The following ZNF618 variants were observed in gnomAD, a reference collection of about 807,000 sequenced individuals.
ZNF618 encodes zinc finger protein 618, also known as neural precursor cell expressed, developmentally down-regulated 10.
In ZNF618, 34 loss-of-function variants were observed where a neutral mutation model predicts 103.0. That is an observed-to-expected ratio of 0.33 (90% confidence interval 0.25 to 0.44). ZNF618 has a LOEUF of 0.44. ZNF618 is among the 20% of genes least tolerant of loss of function. The probability of loss-of-function intolerance (pLI) is 1.00; values close to 1 mark genes in which losing one functional copy is unlikely to be tolerated. For missense variants in ZNF618, 1,059 were observed against 1,295.4 expected (o/e 0.82, Z 2.80); for synonymous variants, 551 against 542.2 (o/e 1.02, Z -0.23).
At chr9:113,978,979 A>G (rs1275577285) in intron 2 of ZNF618, among the ~76,000 whole-genome samples, 1 of 152,162 alleles carries the variant, frequency 6.6e-6, no homozygotes, top group Non-Finnish European at 1.5e-5. Context: ...CCTCACCAGC[A>G]TCACCTCCAC....
chr9:113,876,825 A>AC (rs376561851), intron 1 of ZNF618, among the ~76,000 whole-genome samples: 6 of 96,616 alleles, frequency 6.2e-5, no homozygotes, highest in East Asian at 7.1e-4. Context: ...GTCCCCGATG[A>AC]CCCCCCGGGA....
intron 1 of ZNF618, among the ~76,000 whole-genome samples, chr9:113,938,038 T>C (rs1167112856): frequency 6.6e-6 from 1 of 152,186 alleles, no homozygotes; most frequent in African/African-American, 2.4e-5. Flanking sequence ...ATCGGGATTT[T>C]GACTGGAATC....
chr9:113,885,298 AAATGGGCTGGT>A (rs1320574407), intron 1 of ZNF618, among the ~76,000 whole-genome samples: 3 of 152,234 alleles, frequency 2.0e-5, no homozygotes, highest in African/African-American at 7.2e-5. Context: ...TGCATCTGAG[AAATGGGCTGGT>A]AATGATTCTT....
chr9:114,000,990 G>A (rs1403196099), intron 4 of ZNF618, among the ~76,000 whole-genome samples: 1 of 151,872 alleles, frequency 6.6e-6, no homozygotes, highest in Non-Finnish European at 1.5e-5. Flanking sequence ...GTGGGCCGGG[G>A]CCTCTGCATT....
chr9:113,973,572 G>A (rs1026859810), intron 2 of ZNF618, among the ~76,000 whole-genome samples: 3 of 152,172 alleles, frequency 2.0e-5, no homozygotes, highest in African/African-American at 4.8e-5. Flanking sequence ...TACAAGACCA[G>A]TGATCCCAGC....
chr9:114,047,985 G>T lies in ZNF618; in HGVS notation c.1339G>T (p.Ala447Ser). ...KWKPQAQRNS[A>S]NNTTTSGLTP... is the part of the protein sequence containing the mutation. ...GAAACCTCAGGCCCAGAGGAACAGT[G>T]CCAATAACAGTAGGTCTCCCCAAGC... is the stretch of plus-strand genomic sequence containing the variant. The change falls in exon 14 of 15, where the codon GCC (alanine) becomes TCC (serine). Residue 447 changes from alanine (A) to serine (S), a missense_variant. Transcript: ENST00000374126. 3 of 1,584,796 alleles carry T rather than the reference G, an allele frequency of 1.9e-6. No individual in the cohort carries two copies. The highest frequency in any genetic ancestry group is 2.6e-6 in the Non-Finnish European group (3 of 1,165,532).
At chr9:113,890,452 T>C (rs1263407959) in intron 1 of ZNF618, among the ~76,000 whole-genome samples, 1 of 152,138 alleles carries the variant, frequency 6.6e-6, no homozygotes, top group Non-Finnish European at 1.5e-5. Flanking sequence ...TGTAGATAGG[T>C]CTTCATTATT....
Position 113,969,137 on chromosome 9 carries a change from CG to C in ZNF618, c.56del (p.Gly19GlufsTer11). ...APQADGASAAGRKSTASRERL... is the reference protein window; with the variant it reads ...APQADGASAAXRKSTASRERL... ...TGCAGGCTGACGGAGCCAGTGCAGC[CG>C]GAAGGAAAAGCACTGCGAGCAGGTA... On this transcript the variant is annotated frameshift_variant, in exon 2 of 15. Coordinates refer to ENST00000374126, the MANE Select transcript of ZNF618 (RefSeq NM_001318042.2). LOFTEE classifies it high-confidence loss of function. 1 of 1,613,942 alleles carries C rather than the reference CG, an allele frequency of 6.2e-7. No homozygotes were observed. The highest frequency in any genetic ancestry group is 8.5e-7 in the Non-Finnish European group (1 of 1,179,874).
At chr9:113,886,505 T>G (rs1156398724) in intron 1 of ZNF618, among the ~76,000 whole-genome samples, 1 of 152,200 alleles carries the variant, frequency 6.6e-6, no homozygotes, top group African/African-American at 2.4e-5. Flanking sequence ...TTTCCTTAAT[T>G]TCATCAACTG....
intron 1 of ZNF618, among the ~76,000 whole-genome samples, chr9:113,927,537 C>T (rs1041329135): frequency 6.6e-6 from 1 of 152,184 alleles, no homozygotes; most frequent in South Asian, 2.1e-4. Flanking sequence ...GGCCTGTGCC[C>T]CTGTGTCGTG....
In ZNF618 at chr9:113,988,493, A is replaced by G. The variant is rs1388713910; in HGVS notation, c.250A>G (p.Lys84Glu). ...VIWQGEAKEE[K>E]KAVSKDGTSD... ...CTGGCAGGGCGAGGCCAAGGAGGAG[A>G]AGAAGGCGGTCAGCAAGGATGGGAC... The change falls in exon 3 of 15, where the codon AAG (lysine) becomes GAG (glutamate). Residue 84 changes from lysine (K) to glutamate (E), a missense_variant. Coordinates refer to ENST00000374126, the MANE Select transcript of ZNF618 (RefSeq NM_001318042.2). 6.2e-6 allele frequency: 10 copies of G among 1,613,250 alleles called. No homozygotes were observed. Among genetic ancestry groups the G allele is most frequent in the African/African-American group, 1.3e-5 (1 of 74,904 alleles).
At chr9:113,967,842 T>C (rs1186024117) in intron 1 of ZNF618, among the ~76,000 whole-genome samples, 9 of 152,202 alleles carry the variant, frequency 5.9e-5, no homozygotes, top group African/African-American at 2.2e-4. Flanking sequence ...GAGCCAAGTA[T>C]GTCAGCTCTA....
intron 1 of ZNF618, among the ~76,000 whole-genome samples, chr9:113,940,788 T>G (rs1436905984): frequency 6.6e-6 from 1 of 152,186 alleles, no homozygotes; most frequent in East Asian, 1.9e-4. Context: ...ACATCTGGCA[T>G]CTCTGTAATC....
intron 10 of ZNF618, chr9:114,028,514 G>A (rs1843713359): frequency 1.5e-6 from 1 of 659,860 alleles, no homozygotes; most frequent in East Asian, 2.8e-5. Flanking sequence ...CAGTGGGCTG[G>A]TTGGTGGCCT....
intron 13 of ZNF618, among the ~76,000 whole-genome samples, chr9:114,042,806 G>A (rs1330666742): frequency 1.3e-5 from 2 of 152,200 alleles, no homozygotes; most frequent in African/African-American, 4.8e-5. Flanking sequence ...TCCAGCCTGG[G>A]CGACAGAGCA....
At chr9:113,957,380 C>G (rs1178835707) in intron 1 of ZNF618, among the ~76,000 whole-genome samples, 1 of 152,144 alleles carries the variant, frequency 6.6e-6, no homozygotes, top group Non-Finnish European at 1.5e-5. Flanking sequence ...CTAAGTAGCC[C>G]AGGCAGAATT....
chr9:113,889,431 G>T (rs1328503946), intron 1 of ZNF618, among the ~76,000 whole-genome samples: 1 of 151,896 alleles, frequency 6.6e-6, no homozygotes, highest in Non-Finnish European at 1.5e-5. Context: ...TCTTGAGGCT[G>T]CAAAGATGCA....
intron 1 of ZNF618, among the ~76,000 whole-genome samples, chr9:113,947,244 A>G (rs1206653219): frequency 1.1e-4 from 16 of 152,138 alleles, no homozygotes; most frequent in Admixed American, 1.0e-3. Flanking sequence ...TTGGAATCAG[A>G]GCTGGATTTG....
intron 1 of ZNF618, among the ~76,000 whole-genome samples, chr9:113,901,834 G>A (rs993894966): frequency 5.9e-5 from 9 of 151,992 alleles, no homozygotes; most frequent in Non-Finnish European, 1.5e-5. Context: ...CCTGTTCTCC[G>A]GACTATTTCT....
Sources: gnomAD v4.1 joint callset for allele counts (sites outside exome capture counted in the v4.1 genomes callset) on GRCh38, gnomAD v4.1.1 for gene constraint, MANE v1.5 for transcripts, NCBI Gene and HGNC (gene_info 2026-07-23, HGNC 2026-07-21) for gene names.